The following BBS9 variants were observed in gnomAD, a reference collection of about 807,000 sequenced individuals.
BBS9 encodes Bardet-Biedl syndrome 9.
In BBS9, 89 loss-of-function variants were observed where a neutral mutation model predicts 117.7. That is an observed-to-expected ratio of 0.76 (90% CI 0.64 to 0.90). BBS9 has a LOEUF of 0.90. Among genes scored for constraint, BBS9 ranks in the 40% least tolerant of loss-of-function variants. BBS9 has a pLI of 0.00. For missense variants in BBS9, 982 were observed against 1,042.2 expected (o/e 0.94, Z 0.80); for synonymous variants, 379 against 370.9 (o/e 1.02, Z -0.25).
intron 20 of BBS9, among the ~76,000 whole-genome samples, chr7:33,527,414 G>A (rs1849755338): frequency 6.6e-6 from 1 of 152,176 alleles, no homozygotes; most frequent in African/African-American, 2.4e-5. Flanking sequence ...CGTGGGCGTA[G>A]GACCCTCCGA....
intron 19 of BBS9, among the ~76,000 whole-genome samples, chr7:33,403,281 CTT>C (rs1331820917): frequency 8.1e-6 from 1 of 123,928 alleles, no homozygotes. Flanking sequence ...ACCACATTTT[CTT>C]TTTTTTTTTT....
In BBS9 at chr7:33,172,397, A is replaced by T. The variant is rs553228942; in HGVS notation, c.329-5081A>T. On this transcript the variant is annotated intron_variant, in intron 4 of 22. Coordinates refer to ENST00000242067, the MANE Select transcript of BBS9 (RefSeq NM_198428.3). ...CTCTGTCTCAAAAAAAAAATAATAAAAAAAAAAAATGAAAAGAACACGACT... is the reference window on the plus strand; with the variant it reads ...CTCTGTCTCAAAAAAAAAATAATAATAAAAAAAAATGAAAAGAACACGACT... Among the ~76,000 whole-genome samples the T allele has an allele frequency of 6.6e-5, 10 of 151,996 alleles. No individual in the cohort carries two copies. The East Asian group carries it at 1.7e-3, about 27-fold the overall frequency.
chr7:33,592,581 G>A (rs992515588), intron 21 of BBS9, among the ~76,000 whole-genome samples: 11 of 152,014 alleles, frequency 7.2e-5, no homozygotes, highest in Non-Finnish European at 1.2e-4. Flanking sequence ...TGTCCTATGT[G>A]GAAGGATATG....
chr7:33,273,894 G>A lies in BBS9; in HGVS notation c.954G>A (p.Val318=), dbSNP rs774067100. 5.0e-6 allele frequency: 8 copies of A among 1,612,318 alleles called. No homozygotes were observed. The Admixed American group carries it at 1.2e-4, about 24-fold the overall frequency. The change falls in exon 9 of 23, where the codon GTG becomes GTA. Residue 318 remains valine, a synonymous_variant. Transcript: ENST00000242067. The part of the protein sequence containing the change: ...HNNMLHIYQD[V]TLKWATQLPH... ...ACATGCTGCATATTTATCAAGATGT[G>A]ACACTGAAGTGGGCCACCCAACTTC...
At chr7:33,633,653 G>T (rs17170316) in intron 21 of BBS9, among the ~76,000 whole-genome samples, 9,748 of 151,970 alleles carry the variant, frequency 0.064, 1,001 homozygotes, top group East Asian at 0.4. Flanking sequence ...ACGATCTCTG[G>T]AATAGCTTCC....
chr7:33,377,984 T>A (rs1319777893), intron 17 of BBS9, among the ~76,000 whole-genome samples: 1 of 152,146 alleles, frequency 6.6e-6, no homozygotes, highest in Non-Finnish European at 1.5e-5. Context: ...TATATATGAA[T>A]CAAATGAAAT....
At chr7:33,167,517 C>T (rs915263218) in intron 4 of BBS9, among the ~76,000 whole-genome samples, 1 of 151,894 alleles carries the variant, frequency 6.6e-6, no homozygotes, top group African/African-American at 2.4e-5. Flanking sequence ...ACTCTCCTGC[C>T]TCAGCCTCCT....
chr7:33,627,288 G>T (rs1221379957), intron 21 of BBS9, among the ~76,000 whole-genome samples: 5 of 152,224 alleles, frequency 3.3e-5, no homozygotes, highest in African/African-American at 1.2e-4. Context: ...TGCATAAAGG[G>T]CAAGAGTTGA....
At chr7:33,619,705 A>G (rs190086685) in intron 21 of BBS9, among the ~76,000 whole-genome samples, 13 of 152,300 alleles carry the variant, frequency 8.5e-5, no homozygotes, top group Admixed American at 7.8e-4. Context: ...GAAAATTGGA[A>G]AATTCACAAA....
At chr7:33,291,544 T>G (rs541774861) in intron 9 of BBS9, among the ~76,000 whole-genome samples, 1 of 152,290 alleles carries the variant, frequency 6.6e-6, no homozygotes, top group African/African-American at 2.4e-5. Flanking sequence ...GTTCAGGAAA[T>G]CCAATTGTGA....
At chr7:33,259,581 C>A (rs2128316432) in intron 6 of BBS9, among the ~76,000 whole-genome samples, 1 of 152,002 alleles carries the variant, frequency 6.6e-6, no homozygotes, top group South Asian at 2.1e-4. Context: ...CACTATGTTG[C>A]CCAGACTTGT....
chr7:33,140,898 T>C (rs917600140), intron 1 of BBS9, among the ~76,000 whole-genome samples: 4 of 152,254 alleles, frequency 2.6e-5, no homozygotes, highest in African/African-American at 9.6e-5. Flanking sequence ...CCAGTGTTTA[T>C]CTAACTTCTT....
intron 20 of BBS9, among the ~76,000 whole-genome samples, chr7:33,515,986 A>C (rs2129033551): frequency 6.6e-6 from 1 of 152,348 alleles, no homozygotes; most frequent in East Asian, 1.9e-4. Flanking sequence ...TTAAAAGATA[A>C]TTTAAATGGT....
At chr7:33,143,006 G>A (rs1201983220) in intron 1 of BBS9, among the ~76,000 whole-genome samples, 2 of 151,420 alleles carry the variant, frequency 1.3e-5, no homozygotes, top group African/African-American at 4.9e-5. Flanking sequence ...GTCTCGCTCT[G>A]TCGCCCAGGC....
chr7:33,263,995 A>G (rs1562900256), intron 6 of BBS9, among the ~76,000 whole-genome samples: 1 of 151,934 alleles, frequency 6.6e-6, no homozygotes, highest in Non-Finnish European at 1.5e-5. Context: ...ATCTTTCTTG[A>G]GCATTGTTAC....
At chr7:33,136,077 G>A (rs966639750) in intron 1 of BBS9, among the ~76,000 whole-genome samples, 1 of 151,920 alleles carries the variant, frequency 6.6e-6, no homozygotes, top group Non-Finnish European at 1.5e-5. Context: ...GTGCGCACCA[G>A]CATACCTGGC....
intron 1 of BBS9, among the ~76,000 whole-genome samples, chr7:33,135,807 A>G (rs1258149282): frequency 6.6e-6 from 1 of 152,240 alleles, no homozygotes; most frequent in Non-Finnish European, 1.5e-5. Context: ...CTTCAGATCC[A>G]TGAACATGAG....
At chr7:33,422,766 T>C (rs1275562278) in intron 19 of BBS9, among the ~76,000 whole-genome samples, 1 of 152,182 alleles carries the variant, frequency 6.6e-6, no homozygotes, top group Non-Finnish European at 1.5e-5. Context: ...ATGTTCAGTT[T>C]ATTTTTTATT....
intron 5 of BBS9, among the ~76,000 whole-genome samples, chr7:33,233,515 A>G (rs948388167): frequency 2.0e-5 from 3 of 152,160 alleles, no homozygotes; most frequent in Non-Finnish European, 2.9e-5. Context: ...TGAACTTTCT[A>G]TAAGGAGGAA....
Sources: allele counts gnomAD v4.1 joint callset (sites outside exome capture counted in the v4.1 genomes callset), GRCh38; gene constraint gnomAD v4.1.1; transcripts MANE v1.5; gene names NCBI Gene and HGNC (gene_info 2026-07-23, HGNC 2026-07-21).